The following OXNAD1 variants were observed in gnomAD, a reference collection of about 807,000 sequenced individuals.
OXNAD1 encodes oxidoreductase NAD-binding domain-containing protein 1.
A neutral mutation model predicts 32.9 loss-of-function variants in OXNAD1; 34 were observed. That is an observed-to-expected ratio of 1.03 (90% confidence interval 0.79 to 1.38). The LOEUF (loss-of-function observed/expected upper bound fraction) is 1.38, where lower values mean the gene tolerates loss of function less well. OXNAD1 is among the 40% of genes most tolerant of loss of function. OXNAD1 has a pLI of 0.00. For synonymous variants in OXNAD1, 134 were observed against 135.2 expected, an observed-to-expected ratio of 0.99 and a Z score of 0.06; for missense variants, 407 against 379.4, an observed-to-expected ratio of 1.07 and a Z score of -0.60.
At chr3:16,341,969 G>T (rs551838246), downstream of OXNAD1, among the ~76,000 whole-genome samples, 1 of 152,258 alleles carries the variant, frequency 6.6e-6, no homozygotes. The surrounding 1 kb of genome is among the most constrained non-coding windows in gnomAD (Gnocchi z 4.7). Context: ...GGTTTACTTT[G>T]CTTTCTTTTC....
Position 16,271,610 on chromosome 3 carries a change from A to C in OXNAD1, c.120-49A>C. The C allele has an allele frequency of 7.2e-7, 1 of 1,398,052 alleles. No homozygotes were observed. Among genetic ancestry groups the C allele is most frequent in the South Asian group, 1.3e-5 (1 of 77,922 alleles). The allele number at this position is 1,398,052 out of a possible 1,614,324, so 86.6% of individuals were successfully genotyped here. ...TATTTCAGGAAAAACTAATTTTATTATTTTTATGAGGATAATATGTAATAA... is the reference window on the plus strand; with the variant it reads ...TATTTCAGGAAAAACTAATTTTATTCTTTTTATGAGGATAATATGTAATAA... On this transcript the variant is annotated intron_variant, in intron 3 of 8. Transcript: ENST00000285083. The surrounding 1 kb of genome is among the most constrained non-coding windows in gnomAD (Gnocchi z 4.6).
rs1236792058 is a variant in OXNAD1, at chr3:16,322,837, G to A, written c.*31-14275G>A. 1.3e-5 allele frequency among the ~76,000 whole-genome samples: 2 copies of A among 152,154 alleles called. No homozygotes were observed. Among genetic ancestry groups the A allele is most frequent in the Non-Finnish European group, 2.9e-5 (2 of 68,020 alleles). On this transcript the variant is annotated intron_variant, in intron 9 of 9. Coordinates refer to the OXNAD1 transcript ENST00000435829. The surrounding 1 kb of genome is among the most constrained non-coding windows in gnomAD (Gnocchi z 6.2). ...ATCTCTTGAGGACAGCCTGGCCTGAGGACTTGCTGCCACAGGCTACAGCTA... is the reference window on the plus strand; with the variant it reads ...ATCTCTTGAGGACAGCCTGGCCTGAAGACTTGCTGCCACAGGCTACAGCTA...
rs1386249808 is a variant in OXNAD1, at chr3:16,336,059, G to C, written c.*31-1053G>C. ...AGAGGTCCTGTTCTCCTACGGCCAT[G>C]GAAAGTGGAGATCTAGAGGCAGGGT... On this transcript the variant is annotated intron_variant, in intron 9 of 9. Transcript: ENST00000435829. The surrounding 1 kb of genome is among the most constrained non-coding windows in gnomAD (Gnocchi z 6.0). Among the ~76,000 whole-genome samples the C allele has an allele frequency of 6.6e-6, 1 of 152,216 alleles. No individual in the cohort carries two copies. The highest frequency in any genetic ancestry group is 1.5e-5 in the Non-Finnish European group (1 of 68,030).
chr3:16,323,513 C>T (rs956517622), intron 9 of OXNAD1: 1 of 1,278,294 alleles, frequency 7.8e-7, no homozygotes, highest in African/African-American at 1.5e-5. Context: ...AACCCAAAAC[C>T]TGACACAGAT....
intron 1 of OXNAD1, among the ~76,000 whole-genome samples, chr3:16,266,021 C>T (rs199950592): frequency 1.3e-5 from 2 of 152,178 alleles, no homozygotes; most frequent in East Asian, 3.8e-4. Context: ...TTGGGTCTTA[C>T]TTAATTACTA....
intron 9 of OXNAD1, among the ~76,000 whole-genome samples, chr3:16,343,098 G>T (rs1463578552): frequency 6.6e-6 from 1 of 152,136 alleles, no homozygotes; most frequent in African/African-American, 2.4e-5. Flanking sequence ...TCCCACTTCA[G>T]CCTCCCAAAG....
At position 16,277,430 on chromosome 3, in the gene OXNAD1, G is replaced by A. The variant is rs1293111317; in HGVS notation, c.183+5708G>A. Among the ~76,000 whole-genome samples, 4 of 152,180 alleles carry A rather than the reference G, an allele frequency of 2.6e-5. No homozygotes were observed. Among genetic ancestry groups the A allele is most frequent in the Non-Finnish European group, 4.4e-5 (3 of 68,032 alleles). ...CTCGTTGAAATGAATGGCACCTCAG[G>A]TTTGGCCATAACAGAACTGGATCAG... On this transcript the variant is annotated intron_variant, in intron 4 of 8. Transcript: ENST00000285083. The surrounding 1 kb of genome is among the most constrained non-coding windows in gnomAD (Gnocchi z 4.3).
In OXNAD1 at chr3:16,302,442, C is replaced by CAT. The variant is rs2067250220; in HGVS notation, c.676-197_676-196insTA. Among the ~76,000 whole-genome samples, 1 of 152,152 alleles carries CAT rather than the reference C, an allele frequency of 6.6e-6. No homozygotes were observed. The highest frequency in any genetic ancestry group is 1.5e-5 in the Non-Finnish European group (1 of 68,036). On this transcript the variant is annotated intron_variant, in intron 7 of 8. Transcript: ENST00000285083. The surrounding 1 kb of genome is among the most constrained non-coding windows in gnomAD (Gnocchi z 4.2). ...TTGGTAATATGCTTGTTAGCATATT[C>CAT]AGATTTCAATTAAAGCCAAATAGCC...
Position 16,323,605 on chromosome 3 carries a change from T to C in OXNAD1, c.*31-13507T>C, listed in dbSNP as rs562697762. ...AGAGACGCCTGCTCTACTCTTCCGC[T>C]CCCAGGCCATCCAACCTTGCTTCCG... On this transcript the variant is annotated intron_variant, in intron 9 of 9. Transcript: ENST00000435829. The C allele has an allele frequency of 8.8e-6, 5 of 570,282 alleles. No individual in the cohort carries two copies. The South Asian group carries it at 1.2e-4, about 14-fold the overall frequency. 35.3% of individuals were successfully genotyped at this position (570,282 alleles called of 1,614,324 possible).
At position 16,298,313 on chromosome 3, in the gene OXNAD1, T is replaced by C. The variant is rs886529711; in HGVS notation, c.433-3313T>C. 1.8e-4 allele frequency among the ~76,000 whole-genome samples: 27 copies of C among 152,140 alleles called. No homozygotes were observed. The highest frequency in any genetic ancestry group is 6.0e-4 in the African/African-American group (25 of 41,410). ...AAATAAGCATAGCCATCCCAGTTCC[T>C]AGTGCCATGAACATCTCCCCATCCT... On this transcript the variant is annotated intron_variant, in intron 6 of 8. Coordinates refer to ENST00000285083, the MANE Select transcript of OXNAD1 (RefSeq NM_138381.5). This position sits in a 1 kb window ranked among gnomAD's most constrained non-coding sequence, Gnocchi z 5.1.
downstream of OXNAD1, among the ~76,000 whole-genome samples, chr3:16,308,468 C>CTGAA (rs2067723785): frequency 6.6e-6 from 1 of 151,680 alleles, no homozygotes; most frequent in Non-Finnish European, 1.5e-5. The surrounding 1 kb of genome is among the most constrained non-coding windows in gnomAD (Gnocchi z 4.4). Flanking sequence ...TTTTTCCTGT[C>CTGAA]TGAATGGAAA....
Position 16,329,179 on chromosome 3 carries a change from C to T in OXNAD1, c.*31-7933C>T, listed in dbSNP as rs558969415. Among the ~76,000 whole-genome samples, 5 of 152,302 alleles carry T rather than the reference C, an allele frequency of 3.3e-5. No homozygotes were observed. Among genetic ancestry groups the T allele is most frequent in the South Asian group, 4.1e-4 (2 of 4,826 alleles). On this transcript the variant is annotated intron_variant, in intron 9 of 9. Transcript: ENST00000435829. This position sits in a 1 kb window ranked among gnomAD's most constrained non-coding sequence, Gnocchi z 4.5. ...TCCCCTCTTTTCTGCGCTTCCGCCT[C>T]GGGATGACGCAGCAAGAAGGCCCTC...
chr3:16,349,834 G>T (rs2071972524), exon 10 of OXNAD1: 1 of 152,240 alleles, frequency 6.6e-6, no homozygotes, highest in South Asian at 2.1e-4. Flanking sequence ...TGACTGTGGA[G>T]GATGTAAAAT....
At chr3:16,331,292 A>G (rs2070284198) in intron 9 of OXNAD1, among the ~76,000 whole-genome samples, 1 of 152,224 alleles carries the variant, frequency 6.6e-6, no homozygotes, top group East Asian at 1.9e-4. Context: ...TATTTTACTT[A>G]TCAGTTTTAG....
At chr3:16,315,552 T>C (rs1224487718) in intron 9 of OXNAD1, 1 of 152,166 alleles carries the variant, frequency 6.6e-6, no homozygotes, top group Non-Finnish European at 1.5e-5. Flanking sequence ...TGATGTAAGG[T>C]TTTTTGCTTA....
chr3:16,294,668 C>T (rs1459222959), intron 5 of OXNAD1, among the ~76,000 whole-genome samples, 188 bp from the exon 6 acceptor site: 4 of 152,130 alleles, frequency 2.6e-5, no homozygotes, highest in Non-Finnish European at 4.4e-5. Flanking sequence ...AATTTTTTGG[C>T]ATATAGTTGT....
At chr3:16,313,847 T>A (rs1157964090) in intron 9 of OXNAD1, among the ~76,000 whole-genome samples, 1 of 152,134 alleles carries the variant, frequency 6.6e-6, no homozygotes, top group African/African-American at 2.4e-5. Context: ...TGTGTCAGTA[T>A]TTTGACCTTG....
At chr3:16,276,940 T>G (rs1009306362) in intron 4 of OXNAD1, among the ~76,000 whole-genome samples, 2 of 127,912 alleles carry the variant, frequency 1.6e-5, no homozygotes, top group African/African-American at 6.0e-5. Flanking sequence ...TTTTTTTTTT[T>G]GAGACAGAGT....
Position 16,301,051 on chromosome 3 carries a change from G to A in OXNAD1, c.433-575G>A, listed in dbSNP as rs1575146474. Among the ~76,000 whole-genome samples, 1 of 152,152 alleles carries A rather than the reference G, an allele frequency of 6.6e-6. No individual in the cohort carries two copies. Among genetic ancestry groups the A allele is most frequent in the African/African-American group, 2.4e-5 (1 of 41,426 alleles). On this transcript the variant is annotated intron_variant, in intron 6 of 8. Coordinates refer to ENST00000285083, the MANE Select transcript of OXNAD1 (RefSeq NM_138381.5). The surrounding 1 kb of genome is among the most constrained non-coding windows in gnomAD (Gnocchi z 4.1). ...GATACTCCCTAGTATGAAGCCTCTG[G>A]CTGCCTGTTCTTGTTTCTCTAGGGA...
Sources: gnomAD v4.1 joint callset for allele counts (sites outside exome capture counted in the v4.1 genomes callset) on GRCh38, gnomAD v4.1.1 for gene constraint, Gnocchi (gnomAD v3.1) non-coding constraint, MANE v1.5 for transcripts, NCBI Gene and HGNC (gene_info 2026-07-23, HGNC 2026-07-21) for gene names.